Variants in CCDC82 observed in about 807,000 individuals in gnomAD.
CCDC82 encodes coiled-coil domain containing 82.
CCDC82 carries 47 observed loss-of-function variants against 60.6 expected under a neutral mutation model. The ratio of observed to expected loss-of-function variants is 0.77; its 90% CI spans 0.61 to 0.99. The LOEUF is 0.99. Ranked by LOEUF, CCDC82 falls within the 50% of genes least tolerant of loss-of-function variation. The pLI is 0.00. For synonymous variants in CCDC82, 212 were observed against 207.4 expected (o/e 1.02, Z -0.19); for missense variants, 588 against 633.0 (o/e 0.93, Z 0.76).
Position 96,383,474 on chromosome 11 carries a change from CTAAT to C in CCDC82, c.787-5_787-2del. 6.3e-7 allele frequency: 1 copy of C among 1,577,192 alleles called. No homozygotes were observed. Among genetic ancestry groups the C allele is most frequent in the Non-Finnish European group, 8.6e-7 (1 of 1,160,426 alleles). Reference sequence around the variant, plus strand: ...TTGGGCAAGATTCCTTTTCAGAGTCCTAATTAAATTAAAATAAATGCTTCAGTAA... The same window carrying C: ...TTGGGCAAGATTCCTTTTCAGAGTCCTAAATTAAAATAAATGCTTCAGTAA... On this transcript the variant is annotated splice_acceptor_variant and splice_polypyrimidine_tract_variant and intron_variant, in intron 4 of 9. Transcript: ENST00000646818. LOFTEE classifies it high-confidence loss of function.
intron 5 of CCDC82, chr11:96,381,297 C>A (rs1486636640): frequency 6.6e-6 from 1 of 151,614 alleles, no homozygotes; most frequent in Non-Finnish European, 1.5e-5. Context: ...GCAAGTGAAC[C>A]AGTGCCTACT....
chr11:96,384,758 G>T lies in CCDC82; in HGVS notation c.-11C>A, dbSNP rs1175656146. Reference sequence around the variant, plus strand: ...TCTAACATGTATCATTTTCACTTAAGCTTCTATAAAATAAAGTTGTTAGGA... The same window carrying T: ...TCTAACATGTATCATTTTCACTTAATCTTCTATAAAATAAAGTTGTTAGGA... On this transcript the variant is annotated 5_prime_UTR_variant, in exon 4 of 10. Transcript: ENST00000646818. 1 of 1,561,708 alleles carries T rather than the reference G, an allele frequency of 6.4e-7. No homozygotes were observed. Among genetic ancestry groups the T allele is most frequent in the Non-Finnish European group, 8.6e-7 (1 of 1,157,798 alleles).
At chr11:96,387,437 T>C (rs1390782974) in intron 2 of CCDC82, 93 bp downstream of exon 2, 3 of 152,230 alleles carry the variant, frequency 2.0e-5, no homozygotes, top group Non-Finnish European at 4.4e-5. Flanking sequence ...ATTTTCACAT[T>C]GATTTTTAAA....
chr11:96,354,830 G>A (rs1414159935), intron 9 of CCDC82: 1 of 152,192 alleles, frequency 6.6e-6, no homozygotes, highest in African/African-American at 2.4e-5. Flanking sequence ...CTAGTTTCTT[G>A]ACTCTGTTTA....
intron 7 of CCDC82, among the ~76,000 whole-genome samples, chr11:96,366,801 C>T (rs1025997336): frequency 2.0e-5 from 3 of 152,022 alleles, no homozygotes; most frequent in Non-Finnish European, 2.9e-5. Flanking sequence ...GATTACTTGG[C>T]TAAAGTTAAA....
chr11:96,358,539 G>T, intron 9 of CCDC82: 1 of 1,234,278 alleles, frequency 8.1e-7, no homozygotes. Context: ...AGAGGATGTG[G>T]GTGTATTAGA....
chr11:96,383,533 ATAAAAT>A lies in CCDC82; in HGVS notation c.787-66_787-61del. 3.7e-6 allele frequency: 4 copies of A among 1,088,614 alleles called. No homozygotes were observed. The Middle Eastern group carries it at 8.3e-4, about 225-fold the overall frequency. 67.4% of individuals were successfully genotyped at this position (1,088,614 alleles called of 1,614,324 possible). On this transcript the variant is annotated intron_variant, in intron 4 of 9. Coordinates refer to ENST00000646818, the MANE Select transcript of CCDC82 (RefSeq NM_024725.4). ...TGCTATTAAAACGGTAAGCATCGAT[ATAAAAT>A]TAAAACATTAAATCTGACAGCAAAA...
intron 5 of CCDC82, among the ~76,000 whole-genome samples, chr11:96,375,747 T>C (rs1416175984): frequency 6.6e-6 from 1 of 152,224 alleles, no homozygotes; most frequent in Non-Finnish European, 1.5e-5. Flanking sequence ...AGTTAAATAT[T>C]GTTACACATG....
At chr11:96,373,151 G>A (rs899451369) in intron 6 of CCDC82, among the ~76,000 whole-genome samples, 1 of 152,126 alleles carries the variant, frequency 6.6e-6, no homozygotes, top group Non-Finnish European at 1.5e-5. Flanking sequence ...TAAGGGAAAG[G>A]ACCTGTCACA....
At position 96,389,492 on chromosome 11, in the gene CCDC82, G is replaced by A. The variant is rs1048880930; in HGVS notation, c.-139+352C>T. The A allele has an allele frequency of 2.0e-5, 3 of 152,500 alleles. 1 individual carries two copies. The highest frequency in any genetic ancestry group is 6.8e-3 in the Middle Eastern group (2 of 294). 9.4% of individuals were successfully genotyped at this position (152,500 alleles called of 1,614,324 possible). On this transcript the variant is annotated intron_variant, in intron 1 of 9. Coordinates refer to ENST00000646818, the MANE Select transcript of CCDC82 (RefSeq NM_024725.4). ...CCAAGCTTCGCGATGACGCGCGCAGGACGACGGAAACCCCCAGACCCCAAA... is the reference window on the plus strand; with the variant it reads ...CCAAGCTTCGCGATGACGCGCGCAGAACGACGGAAACCCCCAGACCCCAAA...
chr11:96,379,599 C>G lies in CCDC82; in HGVS notation c.991+3670G>C, dbSNP rs1376720687. On this transcript the variant is annotated intron_variant, in intron 5 of 9. Transcript: ENST00000646818. The stretch of plus-strand genomic sequence containing the variant: ...CACCCACATGGCTTGTTTTATTGAG[C>G]TTTACTACTTTATATACCATAAAAT... 2.0e-5 allele frequency among the ~76,000 whole-genome samples: 3 copies of G among 151,744 alleles called. No homozygotes were observed. In the East Asian group the frequency reaches 5.8e-4, roughly 29 times the overall value.
intron 9 of CCDC82, chr11:96,357,974 T>A (rs1273209402): frequency 6.1e-6 from 6 of 985,272 alleles, no homozygotes; most frequent in Admixed American, 1.2e-4. Flanking sequence ...TGGTTTGTGG[T>A]GGGAGAAAAA....
rs1443875413 is a variant in CCDC82 at position 96,353,516 on chromosome 11, T to A, written c.*130A>T. On this transcript the variant is annotated 3_prime_UTR_variant, in exon 10 of 10. Transcript: ENST00000646818. ...CACTTCACAGGAATTAAGATAATCA[T>A]GTTTTAAACAAAATATTTTGCCATG... The A allele has an allele frequency of 2.8e-6, 2 of 711,580 alleles. No individual in the cohort carries two copies. Among genetic ancestry groups the A allele is most frequent in the Non-Finnish European group, 4.9e-6 (2 of 412,298 alleles). 44.1% of individuals were successfully genotyped at this position (711,580 alleles called of 1,614,324 possible).
At chr11:96,355,959 ACTCAGAAGTAGT>A (rs1864325699) in intron 9 of CCDC82, 1 of 152,174 alleles carries the variant, frequency 6.6e-6, no homozygotes, top group African/African-American at 2.4e-5. Context: ...GGAATCTTCT[ACTCAGAAGTAGT>A]AGCTACAACT....
intron 7 of CCDC82, among the ~76,000 whole-genome samples, chr11:96,368,247 TTGGGTGACCCGGTGCAC>T (rs1865055517): frequency 6.6e-6 from 1 of 152,222 alleles, no homozygotes; most frequent in South Asian, 2.1e-4. Context: ...ATCAGAATTC[TTGGGTGACCCGGTGCAC>T]TGTCAATGAG....
chr11:96,383,677 G>A (rs1866004376), intron 4 of CCDC82, among the ~76,000 whole-genome samples: 1 of 151,848 alleles, frequency 6.6e-6, no homozygotes, highest in Non-Finnish European at 1.5e-5. Context: ...GTTAAGTGAT[G>A]TAAAATGTTT....
rs1363885370 is a variant in CCDC82 at position 96,359,142 on chromosome 11, T to C, written c.1417A>G (p.Arg473Gly). 1.9e-6 allele frequency: 3 copies of C among 1,587,358 alleles called. No homozygotes were observed. In the African/African-American group the frequency reaches 4.1e-5, roughly 22 times the overall value. ...AAATGTTTCAGTTTATGATAAATTC[T>C]GGTACGGCTGGCACAAATTCTGCCA... The part of the protein sequence containing the change: ...TVGRICASRT[R>G]IYHKLKHFKF... Residue 473 changes from arginine to glycine, a missense_variant, in exon 9 of 10, where the codon AGA (arginine) becomes GGA (glycine). Transcript: ENST00000646818.
intron 5 of CCDC82, chr11:96,380,652 G>A (rs990479983): frequency 2.0e-5 from 3 of 151,756 alleles, no homozygotes; most frequent in Non-Finnish European, 4.4e-5. Flanking sequence ...AATATTCAGC[G>A]ATAAAAAGAA....
chr11:96,368,214 T>C (rs1485876747), intron 7 of CCDC82, among the ~76,000 whole-genome samples: 1 of 152,218 alleles, frequency 6.6e-6, no homozygotes, highest in Non-Finnish European at 1.5e-5. Context: ...ATTAAAATGA[T>C]ATTAATCTCC....
Sources: gnomAD v4.1 joint callset for allele counts (sites outside exome capture counted in the v4.1 genomes callset) on GRCh38, gnomAD v4.1.1 for gene constraint, MANE v1.5 for transcripts, NCBI Gene and HGNC (gene_info 2026-07-23, HGNC 2026-07-21) for gene names.